Variants in TMEM154 observed in about 807,000 individuals in gnomAD.
The protein encoded by TMEM154 is transmembrane protein 154.
TMEM154 carries 27 observed loss-of-function variants against 24.5 expected under a neutral mutation model. That is an observed-to-expected ratio of 1.10 (90% CI 0.81 to 1.52). The LOEUF is 1.52. TMEM154 is among the 40% of genes most tolerant of loss of function. The pLI is 0.00. For synonymous variants in TMEM154, 67 were observed against 76.8 expected (o/e 0.87, Z 0.67); for missense variants, 228 against 213.4 (o/e 1.07, Z -0.43).
intron 1 of TMEM154, among the ~76,000 whole-genome samples, chr4:152,673,156 CT>C (rs1433985572): frequency 1.3e-5 from 2 of 152,166 alleles, no homozygotes; most frequent in Non-Finnish European, 2.9e-5. Context: ...ATCATTCCCA[CT>C]TTTCAAACAT....
Position 152,647,245 on chromosome 4 carries a change from G to A in TMEM154, c.365-2803C>T, listed in dbSNP as rs906765651. On this transcript the variant is annotated intron_variant, in intron 3 of 6. Coordinates refer to ENST00000304385, the MANE Select transcript of TMEM154 (RefSeq NM_152680.3). ...TTCCCAGGGGACATAGTGTGCAGGT[G>A]TCCATGCTCTCCTATAAAGCATTTC... The A allele has an allele frequency of 1.7e-5, 17 of 984,956 alleles. No individual in the cohort carries two copies. The African/African-American group carries it at 2.1e-4, about 12-fold the overall frequency. 61.0% of individuals were successfully genotyped at this position (984,956 alleles called of 1,614,324 possible). A position where few individuals can be genotyped will look rare whatever the true frequency, so the allele number is the denominator to read the frequency against.
At position 152,679,903 on chromosome 4, in the gene TMEM154, C is replaced by A. The variant is rs1170505990; in HGVS notation, c.31G>T (p.Ala11Ser). Residue 11 changes from alanine (A) to serine (S), a missense_variant, in exon 1 of 7, where the codon GCC becomes TCC. Coordinates refer to ENST00000304385, the MANE Select transcript of TMEM154 (RefSeq NM_152680.3). MQAPRAALVF[A>S]LVIALVPVGR... ...ACGGGAACGAGCGCGATCACCAGGG[C>A]GAAGACTAGGGCTGCGCGGGGAGCC... 6.2e-7 allele frequency: 1 copy of A among 1,611,132 alleles called. No homozygotes were observed. The highest frequency in any genetic ancestry group is 8.5e-7 in the Non-Finnish European group (1 of 1,179,122).
In TMEM154 at chr4:152,624,562, T is replaced by A. The variant is rs1751887338; in HGVS notation, c.*3984A>T. 1.3e-5 allele frequency: 2 copies of A among 151,454 alleles called. No homozygotes were observed. Among genetic ancestry groups the A allele is most frequent in the Non-Finnish European group, 2.9e-5 (2 of 67,894 alleles). 9.4% of individuals were successfully genotyped at this position (151,454 alleles called of 1,614,324 possible). ...GCTGCAGTGAGCCATAATCACACCA[T>A]TGCACTCCAGCCTGGGCATCAGCAT... On this transcript the variant is annotated 3_prime_UTR_variant, in exon 7 of 7. Transcript: ENST00000304385.
intron 1 of TMEM154, among the ~76,000 whole-genome samples, chr4:152,653,255 A>C (rs1282871210): frequency 6.6e-6 from 1 of 152,240 alleles, no homozygotes; most frequent in Admixed American, 6.5e-5. Context: ...AAGTAATGTG[A>C]TATTACAGGA....
Position 152,652,774 on chromosome 4 carries a change from T to C in TMEM154, c.218A>G (p.Gln73Arg), listed in dbSNP as rs1192802572. The C allele has an allele frequency of 6.2e-7, 1 of 1,614,132 alleles. No homozygotes were observed. The change falls in exon 2 of 7, where the codon CAG (glutamine) becomes CGG (arginine). Residue 73 changes from glutamine to arginine, a missense_variant. Physicochemically the swap from Gln to Arg is conservative, Grantham distance 43. Coordinates refer to ENST00000304385, the MANE Select transcript of TMEM154 (RefSeq NM_152680.3). ...NSTNFAPDENQLEFILMVLIP... is the reference protein window; with the variant it reads ...NSTNFAPDENRLEFILMVLIP... The stretch of plus-strand genomic sequence containing the variant: ...TAACACCATCAGTATAAACTCTAAC[T>C]GATTTTCATCCGGAGCAAAGTTGGT...
chr4:152,646,739 G>A, intron 3 of TMEM154: 1 of 561,478 alleles, frequency 1.8e-6, no homozygotes, highest in Non-Finnish European at 3.2e-6. Context: ...TCTCCTCTGT[G>A]CATTCGATAG....
chr4:152,652,449 A>C (rs891396564), intron 3 of TMEM154, 89 bp downstream of exon 3: 86 of 1,582,166 alleles, frequency 5.4e-5, no homozygotes, highest in Non-Finnish European at 7.1e-5. Context: ...TTACTATTAT[A>C]TGTAGTCCTT....
At chr4:152,631,183 G>A (rs1424803367) in intron 6 of TMEM154, among the ~76,000 whole-genome samples, 1 of 152,014 alleles carries the variant, frequency 6.6e-6, no homozygotes, top group African/African-American at 2.4e-5. Context: ...CCCTTTCCTA[G>A]AAATTTTTAC....
chr4:152,651,922 A>G (rs1453038646), intron 3 of TMEM154, among the ~76,000 whole-genome samples: 1 of 152,198 alleles, frequency 6.6e-6, no homozygotes, highest in Non-Finnish European at 1.5e-5. Flanking sequence ...AGGGTTATGA[A>G]TTGGCCTAAT....
chr4:152,624,680 A>T lies in TMEM154; in HGVS notation c.*3866T>A, dbSNP rs1751889878. 1 of 152,244 alleles carries T rather than the reference A, an allele frequency of 6.6e-6. No homozygotes were observed. The highest frequency in any genetic ancestry group is 2.1e-4 in the South Asian group (1 of 4,838). 9.4% of individuals were successfully genotyped at this position (152,244 alleles called of 1,614,324 possible). A position where few individuals can be genotyped will look rare whatever the true frequency, so the allele number is the denominator to read the frequency against. ...AGGAAATAAAACTTTGGTGCCAGAC[A>T]AGACAGTATCAAGATAAAGCCAAAG... On this transcript the variant is annotated 3_prime_UTR_variant, in exon 7 of 7. Coordinates refer to ENST00000304385, the MANE Select transcript of TMEM154 (RefSeq NM_152680.3).
At position 152,671,097 on chromosome 4, in the gene TMEM154, C is replaced by T. The variant is rs190534490; in HGVS notation, c.64+8773G>A. On this transcript the variant is annotated intron_variant, in intron 1 of 6. Transcript: ENST00000304385. ...CAGGGGAATGGACCAGTCAGTTGAA[C>T]CTTGGGAGTTCTTCAAGCAAAGAGG... is the stretch of plus-strand genomic sequence containing the variant. Among the ~76,000 whole-genome samples, 18 of 152,046 alleles carry T rather than the reference C, an allele frequency of 1.2e-4. No homozygotes were observed. The South Asian group carries it at 2.3e-3, about 19-fold the overall frequency.
chr4:152,631,756 A>G (rs939927121), intron 6 of TMEM154, among the ~76,000 whole-genome samples: 4 of 149,846 alleles, frequency 2.7e-5, no homozygotes, highest in African/African-American at 9.8e-5. Flanking sequence ...TTGAAGTACA[A>G]GAACATTGAG....
At chr4:152,670,795 G>A (rs1021133733) in intron 1 of TMEM154, among the ~76,000 whole-genome samples, 10 of 152,090 alleles carry the variant, frequency 6.6e-5, no homozygotes, top group Non-Finnish European at 1.5e-5. Context: ...TAAATTTCAT[G>A]TTTATGCATT....
rs72956785 is a variant in TMEM154, at chr4:152,644,582, A to T, written c.365-140T>A. On this transcript the variant is annotated intron_variant, in intron 3 of 6. Transcript: ENST00000304385. ...TTTTTAAAGGAGCGATCATTAACTT[A>T]GAGTCAAAGAAGTGTGGATTGCCAT... 305 of 816,782 alleles carry T rather than the reference A, an allele frequency of 3.7e-4. 1 individual carries two copies. Among genetic ancestry groups the T allele is most frequent in the Admixed American group, 1.9e-3 (86 of 45,076 alleles). The allele number at this position is 816,782 out of a possible 1,614,324, so 50.6% of individuals were successfully genotyped here.
chr4:152,644,631 G>C (rs1752320860), intron 3 of TMEM154, among the ~76,000 whole-genome samples, 189 bp from the exon 4 acceptor site: 2 of 152,202 alleles, frequency 1.3e-5, no homozygotes, highest in Non-Finnish European at 2.9e-5. Context: ...CCTAATCCGT[G>C]TGAAATCTGC....
intron 3 of TMEM154, among the ~76,000 whole-genome samples, chr4:152,650,083 C>G (rs1728344009): frequency 6.6e-6 from 1 of 152,164 alleles, no homozygotes. Context: ...TGGTTGCTGA[C>G]TGATCAGGGT....
intron 3 of TMEM154, 124 bp from the exon 4 acceptor site, chr4:152,644,566 G>T: frequency 1.1e-6 from 1 of 925,238 alleles, no homozygotes. Flanking sequence ...ATTTTTAAAG[G>T]AGCGATCATT....
intron 1 of TMEM154, among the ~76,000 whole-genome samples, chr4:152,656,080 T>C (rs1318698532): frequency 6.6e-6 from 1 of 152,084 alleles, no homozygotes; most frequent in African/African-American, 2.4e-5. Flanking sequence ...GCTGCCACCA[T>C]CATAGTTGGC....
intron 1 of TMEM154, among the ~76,000 whole-genome samples, chr4:152,663,616 G>T (rs1303003217): frequency 6.6e-6 from 1 of 152,202 alleles, no homozygotes; most frequent in African/African-American, 2.4e-5. Flanking sequence ...GTCATCTCAA[G>T]TGACCGCAAC....
Sources: allele counts gnomAD v4.1 joint callset (sites outside exome capture counted in the v4.1 genomes callset), GRCh38; gene constraint gnomAD v4.1.1; transcripts MANE v1.5; gene names NCBI Gene and HGNC (gene_info 2026-07-23, HGNC 2026-07-21).